C2orf42: variants seen among roughly 807,000 people sequenced by gnomAD.
C2orf42 encodes the protein chromosome 2 open reading frame 42.
C2orf42 carries 44 observed loss-of-function variants against 58.9 expected under a neutral mutation model. The ratio of observed to expected loss-of-function variants is 0.75; its 90% CI spans 0.59 to 0.96. C2orf42 has a LOEUF of 0.96. Ranked by LOEUF, C2orf42 falls within the 40% of genes least tolerant of loss-of-function variation. C2orf42 has a pLI of 0.00. For missense variants in C2orf42, 630 were observed against 699.2 expected (o/e 0.90, Z 1.12); for synonymous variants, 239 against 265.4 (o/e 0.90, Z 0.97).
chr2:70,166,742 A>G (rs541692510), intron 6 of C2orf42, among the ~76,000 whole-genome samples: 1 of 152,084 alleles, frequency 6.6e-6, no homozygotes, highest in African/African-American at 2.4e-5. Context: ...ACCAAGTATA[A>G]CATTTCAAAT....
chr2:70,154,331 G>C (rs1489726836), intron 9 of C2orf42, among the ~76,000 whole-genome samples: 1 of 147,116 alleles, frequency 6.8e-6, no homozygotes, highest in Non-Finnish European at 1.5e-5. Context: ...GAGAGGATCA[G>C]GGTGGAGGAT....
At chr2:70,183,953 A>C (rs879426853) in intron 1 of C2orf42, among the ~76,000 whole-genome samples, 1 of 151,992 alleles carries the variant, frequency 6.6e-6, no homozygotes, top group Non-Finnish European at 1.5e-5. Context: ...CTATAGGTAC[A>C]TGCTGCCATG....
chr2:70,158,383 T>C (rs1672819803), intron 9 of C2orf42, among the ~76,000 whole-genome samples: 1 of 152,132 alleles, frequency 6.6e-6, no homozygotes, highest in South Asian at 2.1e-4. Context: ...TAACTTTAAA[T>C]GTTATCAAAC....
chr2:70,163,056 C>T (rs916132875), intron 8 of C2orf42, among the ~76,000 whole-genome samples: 7 of 151,058 alleles, frequency 4.6e-5, no homozygotes, highest in Admixed American at 6.6e-5. Flanking sequence ...TTAGTTGTGA[C>T]GGGGTTTCAC....
intron 9 of C2orf42, among the ~76,000 whole-genome samples, chr2:70,157,888 ATT>A (rs749616820): frequency 6.6e-6 from 1 of 152,084 alleles, no homozygotes; most frequent in Non-Finnish European, 1.5e-5. Context: ...GTGAAAAAAC[ATT>A]TTAAAATTCC....
chr2:70,173,236 C>T (rs1437563250), intron 5 of C2orf42, among the ~76,000 whole-genome samples: 2 of 148,398 alleles, frequency 1.3e-5, no homozygotes, highest in African/African-American at 5.0e-5. Flanking sequence ...TCCTTAAACA[C>T]TTATGCCTAG....
Position 70,181,907 on chromosome 2 carries a change from T to A in C2orf42, c.79A>T (p.Lys27Ter). 1.2e-6 allele frequency: 2 copies of A among 1,613,670 alleles called. No individual in the cohort carries two copies. The highest frequency in any genetic ancestry group is 1.7e-6 in the Non-Finnish European group (2 of 1,179,600). Reference sequence around the variant, plus strand: ...TTGTATGTGCCACATCGGGGACACTTTCTGATTCCCCTCAATGTGGCCTTC... The same window carrying A: ...TTGTATGTGCCACATCGGGGACACTATCTGATTCCCCTCAATGTGGCCTTC... ...LGKATLRGIR[K>*]CPRCGTYNGT... The change falls in exon 3 of 10, where the codon AAG becomes TAG. Residue 27 changes from lysine to a stop codon, truncating the protein, a stop_gained. Coordinates refer to ENST00000264434, the MANE Select transcript of C2orf42 (RefSeq NM_017880.3). LOFTEE classifies it high-confidence loss of function.
intron 3 of C2orf42, among the ~76,000 whole-genome samples, chr2:70,180,678 C>T (rs1478617204): frequency 6.7e-6 from 1 of 149,192 alleles, no homozygotes; most frequent in Non-Finnish European, 1.5e-5. Flanking sequence ...AACCAACCAA[C>T]CTTTATGCAA....
At position 70,184,479 on chromosome 2, in the gene C2orf42, ATTTTTTTT is replaced by A. The variant is rs771522645; in HGVS notation, c.-281-1552_-281-1545del. 4.5e-4 allele frequency among the ~76,000 whole-genome samples: 35 copies of A among 77,380 alleles called. No homozygotes were observed. In the South Asian group the frequency reaches 0.012, roughly 27 times the overall value. The allele number at this position is 77,380 out of a possible 152,430, so 50.8% of individuals were successfully genotyped here. A position where few individuals can be genotyped will look rare whatever the true frequency, so the allele number is the denominator to read the frequency against. ...GACATGAACCACTGTGCCTGGCCCT[ATTTTTTTT>A]TTTTTTTTTTTTTTTTTTGAGACAG... On this transcript the variant is annotated intron_variant, in intron 1 of 9. Coordinates refer to ENST00000264434, the MANE Select transcript of C2orf42 (RefSeq NM_017880.3).
intron 8 of C2orf42, among the ~76,000 whole-genome samples, chr2:70,163,261 T>G (rs548194142): frequency 1.3e-5 from 2 of 150,258 alleles, no homozygotes; most frequent in Non-Finnish European, 3.0e-5. Flanking sequence ...TATATATTTT[T>G]TGAGACAGCG....
At chr2:70,188,436 T>C (rs1675101839) in intron 1 of C2orf42, among the ~76,000 whole-genome samples, 1 of 152,062 alleles carries the variant, frequency 6.6e-6, no homozygotes, top group Non-Finnish European at 1.5e-5. Context: ...GTGATCTGCC[T>C]GTCTCGGCCT....
chr2:70,187,888 A>T (rs1360895438), intron 1 of C2orf42, among the ~76,000 whole-genome samples: 2 of 151,796 alleles, frequency 1.3e-5, no homozygotes, highest in Non-Finnish European at 2.9e-5. Context: ...ACGGGGTTTC[A>T]CCATGTTGGC....
chr2:70,161,827 T>G (rs1572981805), intron 8 of C2orf42, among the ~76,000 whole-genome samples: 4 of 121,530 alleles, frequency 3.3e-5, no homozygotes, highest in South Asian at 2.6e-4. Context: ...GCCACAAGAG[T>G]GAAAGTCCGT....
intron 9 of C2orf42, among the ~76,000 whole-genome samples, chr2:70,155,103 G>C (rs1672577668): frequency 6.6e-6 from 1 of 152,064 alleles, no homozygotes; most frequent in African/African-American, 2.4e-5. Flanking sequence ...AATTAGCTGG[G>C]CATGATGGCA....
intron 1 of C2orf42, among the ~76,000 whole-genome samples, chr2:70,188,989 T>A (rs1675137148): frequency 6.6e-6 from 1 of 152,184 alleles, no homozygotes; most frequent in Admixed American, 6.6e-5. Flanking sequence ...ATGAAGAATA[T>A]TTGTAGCAGC....
At chr2:70,156,097 G>T (rs1672656994) in intron 9 of C2orf42, among the ~76,000 whole-genome samples, 1 of 152,128 alleles carries the variant, frequency 6.6e-6, no homozygotes, top group South Asian at 2.1e-4. Context: ...GGAGGTTGCG[G>T]TGAGCCGAGA....
intron 9 of C2orf42, among the ~76,000 whole-genome samples, chr2:70,155,910 C>T (rs1672639623): frequency 6.6e-6 from 1 of 152,000 alleles, no homozygotes; most frequent in South Asian, 2.1e-4. Flanking sequence ...AATCCCAGCA[C>T]TTTGGGAGGC....
At chr2:70,152,956 C>T (rs1672398896) in intron 9 of C2orf42, among the ~76,000 whole-genome samples, 1 of 151,718 alleles carries the variant, frequency 6.6e-6, no homozygotes, top group Non-Finnish European at 1.5e-5. Context: ...TTGCTTGAAC[C>T]TGGGAGGCAG....
chr2:70,184,917 T>C (rs1203989629), intron 1 of C2orf42, among the ~76,000 whole-genome samples: 1 of 149,666 alleles, frequency 6.7e-6, no homozygotes, highest in Non-Finnish European at 1.5e-5. Flanking sequence ...AGTGAAACCC[T>C]GTCTCTACTA....
Sources: allele counts gnomAD v4.1 joint callset (sites outside exome capture counted in the v4.1 genomes callset), GRCh38; gene constraint gnomAD v4.1.1; transcripts MANE v1.5; gene names NCBI Gene and HGNC (gene_info 2026-07-23, HGNC 2026-07-21).